The following REEP4 variants were observed in gnomAD, a reference collection of about 807,000 sequenced individuals.
REEP4 encodes the protein receptor accessory protein 4, also known as receptor expression-enhancing protein 4.
Under a neutral mutation model 33.5 loss-of-function variants are expected in REEP4, and 17 were observed. The ratio of observed to expected loss-of-function variants is 0.51; its 90% CI spans 0.35 to 0.76. The LOEUF is 0.76. Among genes scored for constraint, REEP4 ranks in the 30% least tolerant of loss-of-function variants. The pLI, the probability that REEP4 is intolerant of heterozygous loss-of-function variation, is 0.01. For synonymous variants in REEP4, 157 were observed against 142.9 expected (o/e 1.10, Z -0.70); for missense variants, 340 against 357.9 (o/e 0.95, Z 0.40).
intron 4 of REEP4, 174 bp from the exon 5 acceptor site, chr8:22,139,703 C>G: frequency 1.5e-6 from 1 of 679,948 alleles, no homozygotes; most frequent in Non-Finnish European, 2.4e-6. Context: ...GCCACCCGCT[C>G]ACACCTCCAT....
chr8:22,138,400 C>T lies in REEP4; in HGVS notation c.*87G>A. The T allele has an allele frequency of 6.7e-7, 1 of 1,492,402 alleles. No homozygotes were observed. The highest frequency in any genetic ancestry group is 9.2e-7 in the Non-Finnish European group (1 of 1,081,182). 92.4% of individuals were successfully genotyped at this position (1,492,402 alleles called of 1,614,324 possible). Reference sequence around the variant, plus strand: ...GTGGGGCCCAGGCAGCTGGTGCAGGCAGGCCAGATGTGCAGCCCAAGGTCC... The same window carrying T: ...GTGGGGCCCAGGCAGCTGGTGCAGGTAGGCCAGATGTGCAGCCCAAGGTCC... On this transcript the variant is annotated 3_prime_UTR_variant, in exon 8 of 8. Transcript: ENST00000306306.
Position 22,138,302 on chromosome 8 carries a change from T to G in REEP4, c.*185A>C, listed in dbSNP as rs763461472. On this transcript the variant is annotated 3_prime_UTR_variant, in exon 8 of 8. Transcript: ENST00000306306. ...CTGGGCCCAGCCTGCTTTGGTACAT[T>G]GTGGGTGCATCCCTGCATGTGGCCT... 1 of 535,944 alleles carries G rather than the reference T, an allele frequency of 1.9e-6. No individual in the cohort carries two copies. The allele number at this position is 535,944 out of a possible 1,614,324, so 33.2% of individuals were successfully genotyped here.
chr8:22,139,663 G>T, intron 4 of REEP4, 134 bp from the exon 5 acceptor site: 1 of 769,616 alleles, frequency 1.3e-6, no homozygotes, highest in Non-Finnish European at 2.1e-6. Context: ...CCACAAATCC[G>T]GGCCACAAAC....
At chr8:22,139,770 A>C in intron 4 of REEP4, 193 bp downstream of exon 4, 1 of 767,452 alleles carries the variant, frequency 1.3e-6, no homozygotes, top group South Asian at 1.8e-5. Context: ...TCCATCCTCA[A>C]AGGTCATTCA....
Position 22,141,614 on chromosome 8 carries a change from G to GGGCTCTGCCTCC in REEP4, c.-133_-132insGGAGGCAGAGCC. 1.1e-6 allele frequency: 1 copy of GGGCTCTGCCTCC among 927,812 alleles called. No homozygotes were observed. The highest frequency in any genetic ancestry group is 1.6e-6 in the Non-Finnish European group (1 of 630,082). The allele number at this position is 927,812 out of a possible 1,614,324, so 57.5% of individuals were successfully genotyped here. ...GGCGATCCGGCTGTCCCTCGGCGGA[G>GGGCTCTGCCTCC]GCAGAGCCCGCCGCCCACGGCCTCC... is the stretch of plus-strand genomic sequence containing the variant. On this transcript the variant is annotated 5_prime_UTR_variant, in exon 1 of 8. Transcript: ENST00000306306.
rs770866641 is a variant in REEP4, at chr8:22,138,995, C to T, written c.484G>A (p.Ala162Thr). The T allele has an allele frequency of 1.7e-5, 27 of 1,607,624 alleles. No individual in the cohort carries two copies. Among genetic ancestry groups the T allele is most frequent in the South Asian group, 4.4e-5 (4 of 90,244 alleles). The stretch of plus-strand genomic sequence containing the variant: ...GGGTCATGGTAGGCAGGGGCAGGTG[C>T]GTCAGAGATGGAGCGCAGGTCCTGC... Reference protein sequence around the residue: ...SMQDLRSISDAPAPAYHDPLY... With the variant: ...SMQDLRSISDTPAPAYHDPLY... Residue 162 changes from alanine (A) to threonine (T), a missense_variant, in exon 6 of 8, where the codon GCA becomes ACA. By Grantham distance (58) the Ala-to-Thr change is moderately conservative. Transcript: ENST00000306306.
In REEP4 at chr8:22,139,294, G is replaced by A. The variant is rs149660358; in HGVS notation, c.417+122C>T. The A allele has an allele frequency of 6.2e-4, 592 of 954,356 alleles. 2 individuals carry two copies. Among genetic ancestry groups the A allele is most frequent in the Non-Finnish European group, 8.8e-4 (540 of 615,180 alleles). The allele number at this position is 954,356 out of a possible 1,614,324, so 59.1% of individuals were successfully genotyped here. A position where few individuals can be genotyped will look rare whatever the true frequency, so the allele number is the denominator to read the frequency against. On this transcript the variant is annotated intron_variant, in intron 5 of 7. Coordinates refer to ENST00000306306, the MANE Select transcript of REEP4 (RefSeq NM_025232.4). ...TCCACGCTTCTGCCAATACCCCCCC[G>A]TCACCTTCTCACCCCTGCTCCCCGG...
Position 22,141,578 on chromosome 8 carries a change from G to A in REEP4, c.-96C>T. 7.7e-7 allele frequency: 1 copy of A among 1,302,862 alleles called. No individual in the cohort carries two copies. The highest frequency in any genetic ancestry group is 1.1e-6 in the Non-Finnish European group (1 of 951,270). 80.7% of individuals were successfully genotyped at this position (1,302,862 alleles called of 1,614,324 possible). ...ACGGGGGGTGATCAGGGCAGTTGCGGGAAGCAGAGGGGCGATCCGGCTGTC... is the reference window on the plus strand; with the variant it reads ...ACGGGGGGTGATCAGGGCAGTTGCGAGAAGCAGAGGGGCGATCCGGCTGTC... On this transcript the variant is annotated 5_prime_UTR_variant, in exon 1 of 8. Coordinates refer to ENST00000306306, the MANE Select transcript of REEP4 (RefSeq NM_025232.4).
Position 22,139,073 on chromosome 8 carries a change from A to G in REEP4, c.418-12T>C. 2 of 1,564,140 alleles carry G rather than the reference A, an allele frequency of 1.3e-6. No homozygotes were observed. Among genetic ancestry groups the G allele is most frequent in the South Asian group, 2.4e-5 (2 of 83,038 alleles). On this transcript the variant is annotated splice_polypyrimidine_tract_variant and intron_variant, in intron 5 of 7. Coordinates refer to ENST00000306306, the MANE Select transcript of REEP4 (RefSeq NM_025232.4). ...AGCGCCCCCTGACTCTGCGAGGGGG[A>G]AGAGGCTTCAGCGGGGAGGCTGCCC... is the stretch of plus-strand genomic sequence containing the variant.
chr8:22,138,787 C>G lies in REEP4; in HGVS notation c.560G>C (p.Arg187Pro). The change falls in exon 7 of 8, where the codon CGG becomes CCG. Residue 187 changes from arginine to proline, a missense_variant. Coordinates refer to ENST00000306306, the MANE Select transcript of REEP4 (RefSeq NM_025232.4). ...GTCGCTGTCCTGCAGGCCCCCGGCCCGGTACCCTGTGTGGAGGAGGAGGTG... is the reference window on the plus strand; with the variant it reads ...GTCGCTGTCCTGCAGGCCCCCGGCCGGGTACCCTGTGTGGAGGAGGAGGTG... ...VSHRRPPIGYRAGGLQDSDTE... is the reference protein window; with the variant it reads ...VSHRRPPIGYPAGGLQDSDTE... 4 of 1,599,342 alleles carry G rather than the reference C, an allele frequency of 2.5e-6. No individual in the cohort carries two copies. Among genetic ancestry groups the G allele is most frequent in the Non-Finnish European group, 2.6e-6 (3 of 1,174,870 alleles).
Position 22,141,751 on chromosome 8 carries a change from C to T in REEP4, c.-269G>A, listed in dbSNP as rs950326176. 37 of 407,214 alleles carry T rather than the reference C, an allele frequency of 9.1e-5. No individual in the cohort carries two copies. Among genetic ancestry groups the T allele is most frequent in the Middle Eastern group, 6.3e-4 (1 of 1,588 alleles). 25.2% of individuals were successfully genotyped at this position (407,214 alleles called of 1,614,324 possible). ...CGCCCCGCGGCCGGGGCAGTTACAG[C>T]TCCCACCCGCCCTTTCTGCCGCGGA... On this transcript the variant is annotated 5_prime_UTR_variant, in exon 1 of 8. Coordinates refer to ENST00000306306, the MANE Select transcript of REEP4 (RefSeq NM_025232.4).
chr8:22,139,280 G>A (rs555442733), intron 5 of REEP4, 136 bp downstream of exon 5: 4 of 928,874 alleles, frequency 4.3e-6, no homozygotes, highest in African/African-American at 3.3e-5. Flanking sequence ...CCACGCTTCT[G>A]CCAATACCCC....
At chr8:22,139,813 AG>A in intron 4 of REEP4, 149 bp downstream of exon 4, 1 of 944,156 alleles carries the variant, frequency 1.1e-6, no homozygotes, top group Non-Finnish European at 1.6e-6. Context: ...CCAGAAGATG[AG>A]GTAGGCTGGG....
At chr8:22,139,602 C>A in intron 4 of REEP4, 73 bp from the exon 5 acceptor site, 1 of 1,299,610 alleles carries the variant, frequency 7.7e-7, no homozygotes, top group East Asian at 2.3e-5. Context: ...TCTGAGAAGC[C>A]ACTGGTTGTG....
rs781078428 is a variant in REEP4, at chr8:22,138,457, G to C, written c.*30C>G. 1.2e-6 allele frequency: 2 copies of C among 1,611,312 alleles called. No homozygotes were observed. The highest frequency in any genetic ancestry group is 2.2e-5 in the South Asian group (2 of 91,072). On this transcript the variant is annotated 3_prime_UTR_variant, in exon 8 of 8. Transcript: ENST00000306306. Reference sequence around the variant, plus strand: ...ATAGCCCTGGAGCCCTGCAGGGCACGAGGTAAGAAGGGGGCAGATGCAGCA... The same window carrying C: ...ATAGCCCTGGAGCCCTGCAGGGCACCAGGTAAGAAGGGGGCAGATGCAGCA...
At chr8:22,139,115 C>T (rs753529275) in intron 5 of REEP4, 54 bp from the exon 6 acceptor site, 1 of 1,552,700 alleles carries the variant, frequency 6.4e-7, no homozygotes, top group South Asian at 1.2e-5. Context: ...ATTGGCCAAC[C>T]AGCTAATCAC....
intron 3 of REEP4, 41 bp downstream of exon 3, chr8:22,140,131 G>C: frequency 1.2e-6 from 2 of 1,614,122 alleles, no homozygotes; most frequent in Non-Finnish European, 1.7e-6. Context: ...GGGCTGGGGG[G>C]GCCACCCCTG....
At chr8:22,141,358 A>C in intron 1 of REEP4, 93 bp downstream of exon 1, 1 of 1,450,926 alleles carries the variant, frequency 6.9e-7, no homozygotes. Context: ...TGGAGCTCAG[A>C]AAGTTCCTCC....
rs2131783204 is a variant in REEP4, at chr8:22,140,685, C to T, written c.45G>A (p.Gly15=). The change falls in exon 2 of 8, where the codon GGG becomes GGA. Residue 15 remains glycine (G), a synonymous_variant. Coordinates refer to ENST00000306306, the MANE Select transcript of REEP4 (RefSeq NM_025232.4). The stretch of plus-strand genomic sequence containing the variant: ...AGGAAGCATAAGCTGGACACAGCAT[C>T]CCAAACACCAGCCTGGAAGAGCAGC... The part of the protein sequence containing the change: ...MICRLVVLVF[G]MLCPAYASYK... 6.2e-7 allele frequency: 1 copy of T among 1,613,530 alleles called. No individual in the cohort carries two copies. Among genetic ancestry groups the T allele is most frequent in the Non-Finnish European group, 8.5e-7 (1 of 1,179,652 alleles).
Sources: gnomAD v4.1 joint callset for allele counts on GRCh38, gnomAD v4.1.1 for gene constraint, MANE v1.5 for transcripts, NCBI Gene and HGNC (gene_info 2026-07-23, HGNC 2026-07-21) for gene names.